The following USP47 variants were observed in gnomAD, a reference collection of about 807,000 sequenced individuals.
The protein encoded by USP47 is ubiquitin specific peptidase 47.
In USP47, 35 loss-of-function variants were observed where a neutral mutation model predicts 165.1. The observed-to-expected ratio is 0.21, with a 90% CI of 0.16 to 0.28. The LOEUF (loss-of-function observed/expected upper bound fraction) is 0.28, where lower values mean the gene tolerates loss of function less well. USP47 is among the 10% of genes least tolerant of loss of function. USP47 has a pLI of 1.00. For missense variants in USP47, 1,277 were observed against 1,607.4 expected, an observed-to-expected ratio of 0.79 and a Z score of 3.52; for synonymous variants, 531 against 544.5, an observed-to-expected ratio of 0.98 and a Z score of 0.35.
chr11:11,927,564 T>A (rs571084998), intron 11 of USP47, among the ~76,000 whole-genome samples: 4 of 152,142 alleles, frequency 2.6e-5, no homozygotes, highest in Non-Finnish European at 5.9e-5. Flanking sequence ...AGATTTTAGT[T>A]CTTACTTTGC....
chr11:11,948,312 T>C (rs1326824870), intron 21 of USP47, 166 bp from the exon 22 acceptor site: 2 of 832,226 alleles, frequency 2.4e-6, no homozygotes, highest in Non-Finnish European at 3.7e-6. Context: ...AAATGTTAGC[T>C]GTGTGTCAGT....
intron 18 of USP47, 56 bp downstream of exon 18, chr11:11,938,428 CACA>C: frequency 7.7e-7 from 1 of 1,296,986 alleles, no homozygotes; most frequent in Non-Finnish European, 1.1e-6. Context: ...ATGTACAAGA[CACA>C]CTATGTGACA....
At chr11:11,946,721 C>T (rs1855867157) in intron 20 of USP47, among the ~76,000 whole-genome samples, 1 of 151,802 alleles carries the variant, frequency 6.6e-6, no homozygotes. Context: ...CATAGAGGGG[C>T]ACTCCTTAAA....
intron 5 of USP47, among the ~76,000 whole-genome samples, chr11:11,901,246 GAAAAA>G (rs1296703380): frequency 6.6e-6 from 1 of 151,756 alleles, no homozygotes; most frequent in African/African-American, 2.4e-5. Context: ...CAAAAGAAAA[GAAAAA>G]GTCTTTTAGT....
At chr11:11,955,868 G>T in intron 27 of USP47, 133 bp from the exon 28 acceptor site, 1 of 721,166 alleles carries the variant, frequency 1.4e-6, no homozygotes, top group Non-Finnish European at 2.2e-6. Context: ...GGACATCTCA[G>T]TATATAAAAT....
Position 11,933,134 on chromosome 11 carries a change from TATTTTTA to T in USP47, c.1764+22_1764+28del, listed in dbSNP as rs1281368632. ...CATGCAAGGTTGAATTCCATCATTT[TATTTTTA>T]ATTGAAAGTGCTATTTTTAAGCTCG... On this transcript the variant is annotated intron_variant, in intron 15 of 27. Transcript: ENST00000527733. 6 of 1,600,782 alleles carry T rather than the reference TATTTTTA, an allele frequency of 3.7e-6. No individual in the cohort carries two copies. The highest frequency in any genetic ancestry group is 1.3e-5 in the African/African-American group (1 of 74,458).
At chr11:11,844,659 A>G (rs765596834) in intron 1 of USP47, among the ~76,000 whole-genome samples, 10 of 152,152 alleles carry the variant, frequency 6.6e-5, no homozygotes, top group Non-Finnish European at 7.3e-5. Flanking sequence ...ATATATGTGA[A>G]AATAAATGGC....
chr11:11,884,736 A>G, intron 3 of USP47, 156 bp downstream of exon 3: 1 of 562,882 alleles, frequency 1.8e-6, no homozygotes, highest in Non-Finnish European at 3.1e-6. Context: ...AGTGTGTAGA[A>G]TAACATAGTT....
At chr11:11,945,047 A>G (rs964403713) in intron 20 of USP47, among the ~76,000 whole-genome samples, 1 of 152,226 alleles carries the variant, frequency 6.6e-6, no homozygotes, top group Non-Finnish European at 1.5e-5. Context: ...CCTAGTGTTC[A>G]TTGAAATAGT....
chr11:11,901,601 T>A (rs1156937693), intron 5 of USP47, among the ~76,000 whole-genome samples: 1 of 152,152 alleles, frequency 6.6e-6, no homozygotes, highest in Non-Finnish European at 1.5e-5. Flanking sequence ...GGATTATTAT[T>A]TTGTTTACTT....
chr11:11,904,890 G>T (rs1467719367), intron 7 of USP47, among the ~76,000 whole-genome samples: 1 of 151,994 alleles, frequency 6.6e-6, no homozygotes, highest in Non-Finnish European at 1.5e-5. Context: ...AGTTTGATTT[G>T]CATCTTGAGC....
rs2134089472 is a variant in USP47 at position 11,842,030 on chromosome 11, G to C, written c.-156G>C. ...GGCGGAGCCCTGGGTCGGTGTCTGC[G>C]CGCTGGTGTCTGAGGCCCAGGCTGA... is the stretch of plus-strand genomic sequence containing the variant. On this transcript the variant is annotated 5_prime_UTR_variant, in exon 1 of 28. Coordinates refer to ENST00000527733, the MANE Select transcript of USP47 (RefSeq NM_001282659.2). The C allele has an allele frequency of 2.3e-6, 2 of 882,018 alleles. No individual in the cohort carries two copies. The highest frequency in any genetic ancestry group is 2.9e-5 in the East Asian group (1 of 34,318). 54.6% of individuals were successfully genotyped at this position (882,018 alleles called of 1,614,324 possible). A position where few individuals can be genotyped will look rare whatever the true frequency, so the allele number is the denominator to read the frequency against.
rs1407846384 is a variant in USP47, at chr11:11,880,204, G to A, written c.67G>A (p.Val23Ile). The change falls in exon 2 of 28, where the codon GTC (valine) becomes ATC (isoleucine). Residue 23 changes from valine (V) to isoleucine (I), a missense_variant. Val to Ile is a conservative substitution (Grantham distance 29). This residue lies in a region of USP47 where 181 missense variants were observed against 194.7 expected (regional missense o/e 0.93). Transcript: ENST00000527733. Reference sequence around the variant, plus strand: ...AGAAAATGCTGCTGAAGAACCTAGAGTCTTATGTATTATACAAGATACTAC... The same window carrying A: ...AGAAAATGCTGCTGAAGAACCTAGAATCTTATGTATTATACAAGATACTAC... ...EIENAAEEPR[V>I]LCIIQDTTNS... 1.4e-6 allele frequency: 2 copies of A among 1,476,082 alleles called. No homozygotes were observed. Among genetic ancestry groups the A allele is most frequent in the Non-Finnish European group, 1.8e-6 (2 of 1,124,250 alleles). The allele number at this position is 1,476,082 out of a possible 1,614,324, so 91.4% of individuals were successfully genotyped here.
chr11:11,942,296 T>C, intron 19 of USP47, 39 bp from the exon 20 acceptor site: 3 of 1,524,162 alleles, frequency 2.0e-6, no homozygotes, highest in Non-Finnish European at 2.6e-6. Flanking sequence ...AGCATGTCAC[T>C]AAAATTAATA....
chr11:11,951,193 T>G (rs1009680921), intron 24 of USP47: 17 of 152,400 alleles, frequency 1.1e-4, no homozygotes, highest in African/African-American at 3.9e-4. Flanking sequence ...TCATGTGGTG[T>G]TCTTTCTGTG....
Position 11,961,213 on chromosome 11 carries a change from A to G in USP47, c.*5038A>G, listed in dbSNP as rs146067283. ...TTATTTACCTGACAGGGCAAAAGAG[A>G]TTTTGCAGATGCAATTAAGGTTAAG... On this transcript the variant is annotated 3_prime_UTR_variant, in exon 28 of 28. Transcript: ENST00000527733. 3.5e-4 allele frequency among the ~76,000 whole-genome samples: 53 copies of G among 152,278 alleles called. No individual in the cohort carries two copies. Among genetic ancestry groups the G allele is most frequent in the African/African-American group, 1.2e-3 (48 of 41,556 alleles).
intron 5 of USP47, among the ~76,000 whole-genome samples, chr11:11,899,326 C>T (rs1179427616): frequency 2.0e-5 from 3 of 152,188 alleles, no homozygotes; most frequent in Non-Finnish European, 2.9e-5. Flanking sequence ...TGTAAATTTA[C>T]AGCACTGTAG....
At chr11:11,890,868 G>C (rs1213942200) in intron 3 of USP47, among the ~76,000 whole-genome samples, 1 of 152,170 alleles carries the variant, frequency 6.6e-6, no homozygotes, top group African/African-American at 2.4e-5. Flanking sequence ...CAGGGAGATG[G>C]ATGGAGCTGG....
At chr11:11,915,049 G>A (rs1853309493) in intron 8 of USP47, among the ~76,000 whole-genome samples, 1 of 152,062 alleles carries the variant, frequency 6.6e-6, no homozygotes, top group African/African-American at 2.4e-5. Context: ...TTCCATCTTT[G>A]TTTTTAATAT....
Sources: allele counts gnomAD v4.1 joint callset (sites outside exome capture counted in the v4.1 genomes callset), GRCh38; gene constraint gnomAD v4.1.1; regional missense constraint gnomAD v4.1.1; transcripts MANE v1.5; gene names NCBI Gene and HGNC (gene_info 2026-07-23, HGNC 2026-07-21).